Variants in WWOX observed in about 807,000 individuals in gnomAD.
WWOX encodes the protein WW domain-containing oxidoreductase.
A neutral mutation model predicts 46.2 loss-of-function variants in WWOX; 69 were observed. That is an observed-to-expected ratio of 1.49 (90% CI 1.23 to 1.82). The LOEUF is 1.82. Ranked by LOEUF, WWOX falls within the 40% of genes most tolerant of loss-of-function variation. The pLI is 0.00. For synonymous variants in WWOX, 359 were observed against 202.6 expected, an observed-to-expected ratio of 1.77 and a Z score of -6.56; for missense variants, 919 against 542.6, an observed-to-expected ratio of 1.69 and a Z score of -6.89.
chr16:79,159,451 C>G (rs571379131), intron 8 of WWOX, among the ~76,000 whole-genome samples: 2 of 152,318 alleles, frequency 1.3e-5, no homozygotes, highest in Admixed American at 1.3e-4. Context: ...CCTGGCATCT[C>G]GAATGAGCTC....
At chr16:78,720,416 A>G (rs1183534783) in intron 8 of WWOX, among the ~76,000 whole-genome samples, 1 of 149,544 alleles carries the variant, frequency 6.7e-6, no homozygotes, top group African/African-American at 2.5e-5. Flanking sequence ...AAAACTAAAA[A>G]CTTATACATC....
chr16:78,462,988 C>T lies in WWOX; in HGVS notation c.1056+30236C>T, dbSNP rs186779828. On this transcript the variant is annotated intron_variant, in intron 8 of 8. Coordinates refer to ENST00000566780, the MANE Select transcript of WWOX (RefSeq NM_016373.4). Reference sequence around the variant, plus strand: ...TGATTTTGTAAATGTCCTCTGATCTCTCCTCTTTGCAGGCGCAGTGACATT... The same window carrying T: ...TGATTTTGTAAATGTCCTCTGATCTTTCCTCTTTGCAGGCGCAGTGACATT... Among the ~76,000 whole-genome samples the T allele has an allele frequency of 2.2e-4, 33 of 152,364 alleles. 1 individual carries two copies. The South Asian group carries it at 5.2e-3, about 24-fold the overall frequency.
chr16:78,767,971 A>G (rs2049965263), intron 8 of WWOX, among the ~76,000 whole-genome samples: 1 of 152,116 alleles, frequency 6.6e-6, no homozygotes, highest in African/African-American at 2.4e-5. Context: ...AATGTCTTCT[A>G]GTACTGTTTA....
intron 5 of WWOX, among the ~76,000 whole-genome samples, chr16:78,202,151 T>C (rs7190387): frequency 3.3e-5 from 5 of 152,242 alleles, no homozygotes; most frequent in Admixed American, 1.3e-4. Flanking sequence ...ATGGCTCCTG[T>C]ACTCCCCACA....
At chr16:78,557,138 C>G (rs1272351830) in intron 8 of WWOX, among the ~76,000 whole-genome samples, 2 of 152,172 alleles carry the variant, frequency 1.3e-5, no homozygotes, top group Non-Finnish European at 2.9e-5. Flanking sequence ...TCCATTTGGA[C>G]TTCCTTTTTG....
chr16:78,877,686 G>C (rs1342644109), intron 8 of WWOX, among the ~76,000 whole-genome samples: 2 of 152,154 alleles, frequency 1.3e-5, no homozygotes, highest in East Asian at 3.9e-4. Context: ...ATGTAAGTTT[G>C]TAAGTACTGA....
intron 8 of WWOX, among the ~76,000 whole-genome samples, chr16:78,533,396 C>G (rs1332436741): frequency 2.9e-5 from 4 of 136,102 alleles, no homozygotes; most frequent in African/African-American, 1.0e-4. Context: ...ACATAATATA[C>G]AATTGTTGAT....
chr16:78,781,658 A>C (rs962849501), intron 8 of WWOX, among the ~76,000 whole-genome samples: 1 of 152,144 alleles, frequency 6.6e-6, no homozygotes, highest in Non-Finnish European at 1.5e-5. Flanking sequence ...TTGGTGGCTC[A>C]TGCCTCTAAT....
intron 8 of WWOX, among the ~76,000 whole-genome samples, chr16:78,947,230 A>G (rs763164004): frequency 1.3e-5 from 2 of 152,116 alleles, no homozygotes; most frequent in Non-Finnish European, 2.9e-5. Context: ...GAGGCCTGCA[A>G]ATGAGTTTGC....
At chr16:78,810,666 C>T (rs1022845398) in intron 8 of WWOX, among the ~76,000 whole-genome samples, 5 of 152,162 alleles carry the variant, frequency 3.3e-5, no homozygotes, top group African/African-American at 9.7e-5. Flanking sequence ...AATTGTTAAG[C>T]CTGCCTAATG....
At chr16:79,086,970 C>T (rs1158293449) in intron 8 of WWOX, among the ~76,000 whole-genome samples, 3 of 152,126 alleles carry the variant, frequency 2.0e-5, no homozygotes, top group South Asian at 2.1e-4. Context: ...TAGGAAGCCC[C>T]GTGTCTGAAT....
chr16:79,018,246 A>C (rs1597283814), intron 8 of WWOX, among the ~76,000 whole-genome samples: 1 of 152,196 alleles, frequency 6.6e-6, no homozygotes, highest in South Asian at 2.1e-4. Context: ...TTGTTCTAGT[A>C]TGTAAAATCA....
At chr16:78,507,395 C>G (rs1339732443) in intron 8 of WWOX, among the ~76,000 whole-genome samples, 2 of 152,162 alleles carry the variant, frequency 1.3e-5, no homozygotes, top group African/African-American at 4.8e-5. Flanking sequence ...AACAATGTTG[C>G]TGAGAAGTGA....
At chr16:78,918,345 C>A (rs1196631293) in intron 8 of WWOX, among the ~76,000 whole-genome samples, 5 of 152,202 alleles carry the variant, frequency 3.3e-5, no homozygotes, top group Admixed American at 3.3e-4. Flanking sequence ...TCTTCCTTTT[C>A]CTAAGGAGTC....
At chr16:78,307,027 T>C (rs1183613010) in intron 5 of WWOX, among the ~76,000 whole-genome samples, 1 of 152,224 alleles carries the variant, frequency 6.6e-6, no homozygotes, top group African/African-American at 2.4e-5. Context: ...CATTATATCT[T>C]TGTTAGATAA....
chr16:78,204,128 A>G (rs1479829169), intron 5 of WWOX, among the ~76,000 whole-genome samples: 2 of 152,232 alleles, frequency 1.3e-5, no homozygotes, highest in East Asian at 3.8e-4. Flanking sequence ...TAGCAAGAGC[A>G]TGTCTTTGAG....
chr16:78,717,524 G>A (rs747493120), intron 8 of WWOX, among the ~76,000 whole-genome samples: 1 of 152,200 alleles, frequency 6.6e-6, no homozygotes, highest in Non-Finnish European at 1.5e-5. Context: ...GGAAGGGTCT[G>A]CTGTGAAGGA....
chr16:78,808,075 C>T (rs1053268654), intron 8 of WWOX, among the ~76,000 whole-genome samples: 1 of 152,212 alleles, frequency 6.6e-6, no homozygotes, highest in African/African-American at 2.4e-5. Context: ...GCATCCCCTT[C>T]CCCATTTGGA....
intron 8 of WWOX, among the ~76,000 whole-genome samples, chr16:78,518,130 A>G (rs1456066298): frequency 6.6e-6 from 1 of 152,186 alleles, no homozygotes; most frequent in Admixed American, 6.5e-5. Flanking sequence ...TAAGAGTCAC[A>G]TGAAATATGT....
Sources: allele counts gnomAD v4.1 joint callset (sites outside exome capture counted in the v4.1 genomes callset), GRCh38; gene constraint gnomAD v4.1.1; transcripts MANE v1.5; gene names NCBI Gene and HGNC (gene_info 2026-07-23, HGNC 2026-07-21).